The following DGAT1 variants were observed in gnomAD, a reference collection of about 807,000 sequenced individuals.
DGAT1 encodes diacylglycerol O-acyltransferase 1.
A neutral mutation model predicts 72.6 loss-of-function variants in DGAT1; 60 were observed. The ratio of observed to expected loss-of-function variants is 0.83; its 90% CI spans 0.67 to 1.02. The LOEUF (loss-of-function observed/expected upper bound fraction) is 1.02. Among genes scored for constraint, DGAT1 ranks in the 50% least tolerant of loss-of-function variants. The probability of loss-of-function intolerance (pLI) is 0.00; values close to 1 mark genes in which losing one functional copy is unlikely to be tolerated. For synonymous variants in DGAT1, 290 were observed against 267.5 expected, an observed-to-expected ratio of 1.08 and a Z score of -0.82; for missense variants, 592 against 670.0, an observed-to-expected ratio of 0.88 and a Z score of 1.29.
intron 1 of DGAT1, among the ~76,000 whole-genome samples, chr8:144,322,324 C>T (rs1367374861): frequency 6.6e-6 from 1 of 152,214 alleles, no homozygotes; most frequent in African/African-American, 2.4e-5. Context: ...CCCCATCTGC[C>T]GTGCCACTGG....
rs938990685 is a variant in DGAT1, at chr8:144,315,798, T to C, written c.*756A>G. 6.1e-5 allele frequency: 59 copies of C among 973,958 alleles called. No homozygotes were observed. Among genetic ancestry groups the C allele is most frequent in the Non-Finnish European group, 6.7e-5 (55 of 819,688 alleles). 60.3% of individuals were successfully genotyped at this position (973,958 alleles called of 1,614,324 possible). ...CCCACCTGGCTGCCCAGGTTCCAAG[T>C]GAAGGAAAGAGGCTGCCAAACCGAG... On this transcript the variant is annotated 3_prime_UTR_variant, in exon 17 of 17. Transcript: ENST00000528718.
At position 144,318,381 on chromosome 8, in the gene DGAT1, C is replaced by T; in HGVS notation, c.575-19G>A. 1 of 1,609,328 alleles carries T rather than the reference C, an allele frequency of 6.2e-7. No homozygotes were observed. The highest frequency in any genetic ancestry group is 8.5e-7 in the Non-Finnish European group (1 of 1,177,726). On this transcript the variant is annotated intron_variant, in intron 6 of 16. Coordinates refer to ENST00000528718, the MANE Select transcript of DGAT1 (RefSeq NM_012079.6). The stretch of plus-strand genomic sequence containing the variant: ...GAGCCCACTGCAGGAGAGGTGGACT[C>T]AGGCCTCCACAGCGCCACAGCCGGA...
At position 144,314,909 on chromosome 8, in the gene DGAT1, A is replaced by G. The variant is rs1817134951; in HGVS notation, c.*1645T>C. 8.1e-6 allele frequency: 8 copies of G among 986,614 alleles called. No individual in the cohort carries two copies. The highest frequency in any genetic ancestry group is 9.6e-6 in the Non-Finnish European group (8 of 830,708). The allele number at this position is 986,614 out of a possible 1,614,324, so 61.1% of individuals were successfully genotyped here. A position where few individuals can be genotyped will look rare whatever the true frequency, so the allele number is the denominator to read the frequency against. On this transcript the variant is annotated 3_prime_UTR_variant, in exon 17 of 17. Transcript: ENST00000528718. ...GCTTGCAGTTCTTTATTGAGGGACC[A>G]GGGGTGGGCGCCTCACCTTGGCCCT...
chr8:144,315,254 C>T lies in DGAT1; in HGVS notation c.*1300G>A, dbSNP rs7817003. ...ATGGAGGAGTCGGCCCCACACCCAT[C>T]CCCCCACCAGGAGCTCACCCACTAC... On this transcript the variant is annotated 3_prime_UTR_variant, in exon 17 of 17. Coordinates refer to ENST00000528718, the MANE Select transcript of DGAT1 (RefSeq NM_012079.6). 0.5 allele frequency: 491,683 copies of T among 985,190 alleles called. 123,364 individuals are homozygous for T. The highest frequency in any genetic ancestry group is 0.63 in the Admixed American group (10,316 of 16,254). The allele number at this position is 985,190 out of a possible 1,614,324, so 61.0% of individuals were successfully genotyped here.
intron 2 of DGAT1, among the ~76,000 whole-genome samples, chr8:144,319,884 G>C (rs1021919455): frequency 6.6e-6 from 1 of 152,244 alleles, no homozygotes; most frequent in Admixed American, 6.5e-5. Flanking sequence ...TCATGCGGTA[G>C]TGAACTGGTG....
chr8:144,318,661 C>T (rs782403405), intron 5 of DGAT1, 38 bp downstream of exon 5: 8 of 1,607,172 alleles, frequency 5.0e-6, no homozygotes, highest in Non-Finnish European at 5.9e-6. Flanking sequence ...GCGCACACAG[C>T]AGGGTGAGCA....
Position 144,326,427 on chromosome 8 carries a change from G to C in DGAT1, c.200+10C>G. 3 of 1,387,012 alleles carry C rather than the reference G, an allele frequency of 2.2e-6. No individual in the cohort carries two copies. The South Asian group carries it at 4.5e-5, about 21-fold the overall frequency. 85.9% of individuals were successfully genotyped at this position (1,387,012 alleles called of 1,614,324 possible). A position where few individuals can be genotyped will look rare whatever the true frequency, so the allele number is the denominator to read the frequency against. ...TGGGTCAGAGGTTAGGGGGTCAGGC[G>C]CTCCGCTACCTCAGCTCCCAGTGGC... On this transcript the variant is annotated intron_variant, in intron 1 of 16. Coordinates refer to ENST00000528718, the MANE Select transcript of DGAT1 (RefSeq NM_012079.6).
Position 144,318,691 on chromosome 8 carries a change from C to T in DGAT1, c.468+8G>A. On this transcript the variant is annotated splice_region_variant and intron_variant, in intron 5 of 16. Transcript: ENST00000528718. ...TGAGCACACACGGAGGTGAGGGGCACTGCTTACCACCGCCAGGCGCTTCTC... is the reference window on the plus strand; with the variant it reads ...TGAGCACACACGGAGGTGAGGGGCATTGCTTACCACCGCCAGGCGCTTCTC... 6.2e-7 allele frequency: 1 copy of T among 1,608,882 alleles called. No homozygotes were observed. The highest frequency in any genetic ancestry group is 8.5e-7 in the Non-Finnish European group (1 of 1,178,150).
chr8:144,319,615 G>A (rs1320744428), intron 2 of DGAT1, among the ~76,000 whole-genome samples: 1 of 152,202 alleles, frequency 6.6e-6, no homozygotes, highest in Non-Finnish European at 1.5e-5. Flanking sequence ...GGCTGGGCCT[G>A]GAGTGCTTCC....
At position 144,317,956 on chromosome 8, in the gene DGAT1, G is replaced by A. The variant is rs1588681706; in HGVS notation, c.813C>T (p.Pro271=). 6.6e-7 allele frequency: 1 copy of A among 1,519,406 alleles called. No individual in the cohort carries two copies. Among genetic ancestry groups the A allele is most frequent in the Non-Finnish European group, 8.8e-7 (1 of 1,135,970 alleles). 94.1% of individuals were successfully genotyped at this position (1,519,406 alleles called of 1,614,324 possible). A position where few individuals can be genotyped will look rare whatever the true frequency, so the allele number is the denominator to read the frequency against. The part of the protein sequence containing the change: ...LCYELNFPRS[P]RIRKRFLLRR... Reference sequence around the variant, plus strand: ...GCAGCAGAAAGCGCTTCCGGATGCGGGGAGAGCGGGGAAAGTTGAGCTCGT... The same window carrying A: ...GCAGCAGAAAGCGCTTCCGGATGCGAGGAGAGCGGGGAAAGTTGAGCTCGT... Residue 271 remains proline, a synonymous_variant, in exon 9 of 17, where the codon CCC becomes CCT. Transcript: ENST00000528718.
In DGAT1 at chr8:144,316,696, C is replaced by T. The variant is rs782395919; in HGVS notation, c.1325G>A (p.Trp442Ter). 1.9e-6 allele frequency: 3 copies of T among 1,612,046 alleles called. No individual in the cohort carries two copies. The African/African-American group carries it at 4.0e-5, about 22-fold the overall frequency. ...TGMMAQIPLA[W>*]FVGRFFQGNY... is the part of the protein sequence containing the mutation. ...GCCCTGGAAAAAGCGGCCCACGAAC[C>T]AGGCCAGTGGGATCTAGGGAGTGAG... Residue 442 changes from tryptophan to a stop codon, truncating the protein, a stop_gained, in exon 17 of 17, where the codon TGG becomes TAG. Transcript: ENST00000528718. LOFTEE classifies it high-confidence loss of function.
chr8:144,325,346 T>G (rs1156232014), intron 1 of DGAT1, among the ~76,000 whole-genome samples: 1 of 152,080 alleles, frequency 6.6e-6, no homozygotes, highest in African/African-American at 2.4e-5. Flanking sequence ...TTATCTTATC[T>G]CCCAGATGAA....
chr8:144,318,496 G>A lies in DGAT1; in HGVS notation c.539C>T (p.Ala180Val), dbSNP rs139015645. 55 of 1,611,420 alleles carry A rather than the reference G, an allele frequency of 3.4e-5. No homozygotes were observed. The African/African-American group carries it at 5.6e-4, about 16-fold the overall frequency. The change falls in exon 6 of 17, where the codon GCG becomes GTG. Residue 180 changes from alanine to valine, a missense_variant. Transcript: ENST00000528718. ...ANLATILCFP[A>V]AVVLLVESIT... is the part of the protein sequence containing the mutation. ...AGACTCAACCAGTAAGACCACAGCC[G>A]CTGGGAAACACAGAATGGTGGCCAG...
chr8:144,315,412 G>A lies in DGAT1; in HGVS notation c.*1142C>T. 1 of 985,502 alleles carries A rather than the reference G, an allele frequency of 1.0e-6. No homozygotes were observed. Among genetic ancestry groups the A allele is most frequent in the Non-Finnish European group, 1.2e-6 (1 of 829,960 alleles). The allele number at this position is 985,502 out of a possible 1,614,324, so 61.0% of individuals were successfully genotyped here. Reference sequence around the variant, plus strand: ...ACCAGTTCAGCAGGTTGCTGATGAGGCCCCTGGTGCAGTCCTGGGACCCTG... The same window carrying A: ...ACCAGTTCAGCAGGTTGCTGATGAGACCCCTGGTGCAGTCCTGGGACCCTG... On this transcript the variant is annotated 3_prime_UTR_variant, in exon 17 of 17. Transcript: ENST00000528718.
chr8:144,319,289 C>G (rs1305539058), intron 2 of DGAT1, among the ~76,000 whole-genome samples: 1 of 152,332 alleles, frequency 6.6e-6, no homozygotes, highest in African/African-American at 2.4e-5. Context: ...TCCCTGTCCC[C>G]ATCACACCAG....
intron 1 of DGAT1, among the ~76,000 whole-genome samples, chr8:144,323,661 C>T (rs1564633784): frequency 1.3e-5 from 2 of 152,224 alleles, no homozygotes; most frequent in South Asian, 4.1e-4. Flanking sequence ...TCCAAGAAGA[C>T]TCGGAGCAGC....
In DGAT1 at chr8:144,318,690, A is replaced by ACTG; in HGVS notation, c.468+6_468+8dup. The ACTG allele has an allele frequency of 1.2e-6, 2 of 1,608,772 alleles. No individual in the cohort carries two copies. The highest frequency in any genetic ancestry group is 2.2e-5 in the South Asian group (2 of 90,192). On this transcript the variant is annotated intron_variant, in intron 5 of 16. Coordinates refer to ENST00000528718, the MANE Select transcript of DGAT1 (RefSeq NM_012079.6). ...GTGAGCACACACGGAGGTGAGGGGC[A>ACTG]CTGCTTACCACCGCCAGGCGCTTCT...
At position 144,326,554 on chromosome 8, in the gene DGAT1, T is replaced by TCCGCCGCCGCAGGC. The variant is rs1328127456; in HGVS notation, c.69_82dup (p.Glu28GlyfsTer44). On this transcript the variant is annotated frameshift_variant, in exon 1 of 17. Coordinates refer to ENST00000528718, the MANE Select transcript of DGAT1 (RefSeq NM_012079.6). LOFTEE classifies it high-confidence loss of function. Reference sequence around the variant, plus strand: ...CGCAGCGGCGTCCCGCACCTCCTCTTCCGCCGCCGCAGGCCCGCCGCCGCC... The same window carrying TCCGCCGCCGCAGGC: ...CGCAGCGGCGTCCCGCACCTCCTCTTCCGCCGCCGCAGGCCCGCCGCCGCAGGCCCGCCGCCGCC... 1 of 1,262,234 alleles carries TCCGCCGCCGCAGGC rather than the reference T, an allele frequency of 7.9e-7. No individual in the cohort carries two copies. Among genetic ancestry groups the TCCGCCGCCGCAGGC allele is most frequent in the Non-Finnish European group, 1.0e-6 (1 of 1,004,998 alleles). 78.2% of individuals were successfully genotyped at this position (1,262,234 alleles called of 1,614,324 possible).
At chr8:144,326,340 G>C in intron 1 of DGAT1, 97 bp downstream of exon 1, 1 of 1,150,404 alleles carries the variant, frequency 8.7e-7, no homozygotes, top group Non-Finnish European at 1.1e-6. Context: ...GCTTAGCCCA[G>C]GGCCCATGTT....
Sources: gnomAD v4.1 joint callset for allele counts (sites outside exome capture counted in the v4.1 genomes callset) on GRCh38, gnomAD v4.1.1 for gene constraint, MANE v1.5 for transcripts, NCBI Gene and HGNC (gene_info 2026-07-23, HGNC 2026-07-21) for gene names.